Variants in ADGRB3 observed in about 807,000 individuals in gnomAD.
ADGRB3 encodes the protein adhesion G protein-coupled receptor B3.
Under a neutral mutation model 193.4 loss-of-function variants are expected in ADGRB3, and 37 were observed. The observed-to-expected ratio is 0.19, with a 90% CI of 0.15 to 0.25. The LOEUF is 0.25. Among genes scored for constraint, ADGRB3 ranks in the 10% least tolerant of loss-of-function variants. The pLI, the probability that ADGRB3 is intolerant of heterozygous loss-of-function variation, is 1.00. For missense variants in ADGRB3, 1,637 were observed against 1,852.9 expected (o/e 0.88, Z 2.14); for synonymous variants, 690 against 644.2 (o/e 1.07, Z -1.08).
At chr6:69,219,621 A>T (rs938080663) in intron 17 of ADGRB3, among the ~76,000 whole-genome samples, 1 of 151,152 alleles carries the variant, frequency 6.6e-6, no homozygotes, top group Non-Finnish European at 1.5e-5. Flanking sequence ...AACTTTGCTA[A>T]ATCTTTGCTA....
intron 17 of ADGRB3, among the ~76,000 whole-genome samples, chr6:69,228,124 G>A (rs1766057749): frequency 1.3e-5 from 2 of 152,102 alleles, no homozygotes; most frequent in African/African-American, 4.8e-5. Context: ...GGGTGCAGTG[G>A]CATGTGCCTG....
intron 17 of ADGRB3, among the ~76,000 whole-genome samples, chr6:69,191,222 T>C (rs1765179702): frequency 6.6e-6 from 1 of 152,136 alleles, no homozygotes; most frequent in Non-Finnish European, 1.5e-5. Flanking sequence ...TACTCCTAGT[T>C]CAATGGTTTT....
chr6:69,004,020 T>C (rs1213060604), intron 11 of ADGRB3, among the ~76,000 whole-genome samples: 1 of 152,206 alleles, frequency 6.6e-6, no homozygotes, highest in African/African-American at 2.4e-5. Flanking sequence ...AGTTTTACCT[T>C]TTCCGAAGCT....
intron 3 of ADGRB3, among the ~76,000 whole-genome samples, chr6:68,694,167 A>G (rs1765120981): frequency 6.6e-6 from 1 of 152,028 alleles, no homozygotes; most frequent in African/African-American, 2.4e-5. Context: ...TTTGGAAAGC[A>G]CTCAAAAGTG....
intron 10 of ADGRB3, among the ~76,000 whole-genome samples, chr6:68,985,517 C>T (rs1371460412): frequency 1.3e-5 from 2 of 152,084 alleles, no homozygotes; most frequent in East Asian, 1.9e-4. Flanking sequence ...ACTTCCTCAC[C>T]CCCTTGATGT....
At chr6:69,158,694 A>C (rs1162672031) in intron 17 of ADGRB3, among the ~76,000 whole-genome samples, 1 of 152,124 alleles carries the variant, frequency 6.6e-6, no homozygotes, top group African/African-American at 2.4e-5. Context: ...CATTATTACT[A>C]AAGTACCATG....
chr6:68,790,436 A>G (rs1767078148), intron 3 of ADGRB3, among the ~76,000 whole-genome samples: 1 of 152,158 alleles, frequency 6.6e-6, no homozygotes, highest in African/African-American at 2.4e-5. Context: ...CTTTGAAGAG[A>G]GTGGTGGTTC....
intron 11 of ADGRB3, among the ~76,000 whole-genome samples, chr6:69,001,522 T>C (rs1268521683): frequency 2.6e-5 from 4 of 151,456 alleles, no homozygotes; most frequent in African/African-American, 9.7e-5. Flanking sequence ...GGAGGGGGAA[T>C]AAGCCCATGG....
At chr6:69,002,535 C>A (rs1433939163) in intron 11 of ADGRB3, among the ~76,000 whole-genome samples, 1 of 152,092 alleles carries the variant, frequency 6.6e-6, no homozygotes, top group African/African-American at 2.4e-5. Context: ...TATCTTAAAA[C>A]ACTTGATGAG....
At chr6:68,878,980 A>C (rs1386120574) in intron 3 of ADGRB3, among the ~76,000 whole-genome samples, 2 of 152,104 alleles carry the variant, frequency 1.3e-5, no homozygotes, top group Non-Finnish European at 2.9e-5. Context: ...ACCTGTGCCC[A>C]TGATTCAAGC....
chr6:68,817,222 C>A (rs1767647384), intron 3 of ADGRB3, among the ~76,000 whole-genome samples: 1 of 147,460 alleles, frequency 6.8e-6, no homozygotes, highest in African/African-American at 2.5e-5. Flanking sequence ...TCCTGCTTGA[C>A]ATAAATACCA....
At chr6:68,929,169 A>G (rs536892658) in intron 3 of ADGRB3, among the ~76,000 whole-genome samples, 1 of 152,316 alleles carries the variant, frequency 6.6e-6, no homozygotes, top group South Asian at 2.1e-4. Flanking sequence ...AAGCAGAATC[A>G]GCTACAGTGT....
chr6:69,115,902 G>T (rs1330916553), intron 17 of ADGRB3, among the ~76,000 whole-genome samples: 1 of 152,190 alleles, frequency 6.6e-6, no homozygotes, highest in Non-Finnish European at 1.5e-5. Context: ...GTAAAAGTGG[G>T]TGTATCAGTC....
chr6:69,100,042 A>T (rs913180821), intron 17 of ADGRB3, among the ~76,000 whole-genome samples: 1 of 152,234 alleles, frequency 6.6e-6, no homozygotes, highest in African/African-American at 2.4e-5. Context: ...GTTTGGACAC[A>T]TCAGTCATTT....
At chr6:69,178,082 T>C (rs1318674298) in intron 17 of ADGRB3, among the ~76,000 whole-genome samples, 2 of 152,232 alleles carry the variant, frequency 1.3e-5, no homozygotes, top group Admixed American at 1.3e-4. Context: ...TTCACAGGTC[T>C]AGAAGTACTT....
chr6:69,092,039 T>G (rs1295255836), intron 17 of ADGRB3, among the ~76,000 whole-genome samples: 1 of 152,230 alleles, frequency 6.6e-6, no homozygotes, highest in African/African-American at 2.4e-5. Context: ...TTTTTTAAGC[T>G]TCATCAGAGA....
chr6:68,749,759 T>C (rs1247221049), intron 3 of ADGRB3, among the ~76,000 whole-genome samples: 7 of 152,136 alleles, frequency 4.6e-5, no homozygotes, highest in Admixed American at 4.6e-4. Context: ...AAAGCAAGGA[T>C]TGTGACTACT....
intron 3 of ADGRB3, among the ~76,000 whole-genome samples, chr6:68,837,577 TC>T (rs1768069789): frequency 6.6e-6 from 1 of 152,230 alleles, no homozygotes; most frequent in African/African-American, 2.4e-5. Flanking sequence ...TTTCATTTGC[TC>T]TTTTTAAAGA....
intron 3 of ADGRB3, among the ~76,000 whole-genome samples, chr6:68,662,965 A>C (rs1768703767): frequency 6.6e-6 from 1 of 150,982 alleles, no homozygotes; most frequent in Non-Finnish European, 1.5e-5. Flanking sequence ...GATATTATAT[A>C]AACTTTTTGG....
Sources: gnomAD v4.1 joint callset for allele counts (sites outside exome capture counted in the v4.1 genomes callset) on GRCh38, gnomAD v4.1.1 for gene constraint, MANE v1.5 for transcripts, NCBI Gene and HGNC (gene_info 2026-07-23, HGNC 2026-07-21) for gene names.